OTUD7A: variants seen among roughly 807,000 people sequenced by gnomAD.
OTUD7A encodes the protein OTU domain-containing protein 7A.
A neutral mutation model predicts 65.7 loss-of-function variants in OTUD7A; 12 were observed. That is an observed-to-expected ratio of 0.18 (90% CI 0.12 to 0.30). The LOEUF (loss-of-function observed/expected upper bound fraction) is 0.30, where lower values mean the gene tolerates loss of function less well. Ranked by LOEUF, OTUD7A falls within the 10% of genes least tolerant of loss-of-function variation. The pLI, the probability that OTUD7A is intolerant of heterozygous loss-of-function variation, is 1.00. For missense variants in OTUD7A, 1,148 were observed against 1,304.8 expected (o/e 0.88, Z 1.85); for synonymous variants, 641 against 586.3 (o/e 1.09, Z -1.35).
intron 1 of OTUD7A, among the ~76,000 whole-genome samples, chr15:31,831,705 T>C (rs1038116650): frequency 6.6e-6 from 1 of 152,232 alleles, no homozygotes; most frequent in Non-Finnish European, 1.5e-5. Context: ...AGTAGCCTTA[T>C]TCCAACAAGC....
Position 31,550,764 on chromosome 15 carries a change from C to A in OTUD7A, c.550+8205G>T, listed in dbSNP as rs112438052. Among the ~76,000 whole-genome samples, 620 of 152,284 alleles carry A rather than the reference C, an allele frequency of 4.1e-3. 2 individuals are homozygous for A. Among genetic ancestry groups the A allele is most frequent in the African/African-American group, 0.014 (594 of 41,560 alleles). ...TAGGCAGAAATAGAAATGCATACAG[C>A]GTCCTTTAGCCCAAGGATATTTAAA... On this transcript the variant is annotated intron_variant, in intron 5 of 12. Coordinates refer to ENST00000307050, the MANE Select transcript of OTUD7A (RefSeq NM_001382637.1).
intron 1 of OTUD7A, among the ~76,000 whole-genome samples, chr15:31,840,978 T>C (rs1344360967): frequency 1.3e-5 from 2 of 152,190 alleles, no homozygotes; most frequent in Non-Finnish European, 2.9e-5. Flanking sequence ...AACACCCTGC[T>C]GCTGAGGAAT....
intron 1 of OTUD7A, among the ~76,000 whole-genome samples, chr15:31,806,071 A>T (rs923742931): frequency 1.3e-5 from 2 of 152,248 alleles, no homozygotes; most frequent in Non-Finnish European, 2.9e-5. Flanking sequence ...TCATAATCTT[A>T]GCAATAAAAT....
intron 1 of OTUD7A, among the ~76,000 whole-genome samples, chr15:31,780,267 A>T (rs1895501798): frequency 6.6e-6 from 1 of 152,184 alleles, no homozygotes; most frequent in Non-Finnish European, 1.5e-5. Flanking sequence ...CGTTCAAACT[A>T]GCTCGTATTT....
At chr15:31,826,117 C>T (rs1896791497) in intron 1 of OTUD7A, among the ~76,000 whole-genome samples, 2 of 152,236 alleles carry the variant, frequency 1.3e-5, no homozygotes, top group Admixed American at 1.3e-4. Flanking sequence ...TCTCTTCTCA[C>T]AGCTCCACTA....
chr15:31,766,653 A>G (rs1895101289), intron 1 of OTUD7A: 5 of 1,601,164 alleles, frequency 3.1e-6, no homozygotes, highest in African/African-American at 2.7e-5. Context: ...GCAAACTCTG[A>G]GACCTTCAAA....
At chr15:31,520,000 A>G (rs2041916325) in intron 8 of OTUD7A, among the ~76,000 whole-genome samples, 1 of 139,462 alleles carries the variant, frequency 7.2e-6, no homozygotes, top group Admixed American at 6.7e-5. Flanking sequence ...CAATGACACA[A>G]ATGAATGGAA....
chr15:31,808,137 A>AC (rs1555420102), intron 1 of OTUD7A, among the ~76,000 whole-genome samples: 216 of 91,546 alleles, frequency 2.4e-3, no homozygotes, highest in East Asian at 9.4e-3. Context: ...ACACACACAC[A>AC]AACAAATCCT....
At chr15:31,485,572 A>G (rs1253908466) in intron 12 of OTUD7A, among the ~76,000 whole-genome samples, 1 of 151,208 alleles carries the variant, frequency 6.6e-6, no homozygotes, top group Non-Finnish European at 1.5e-5. Flanking sequence ...GGGTGGGGGG[A>G]CCCTGAGAAA....
chr15:31,666,704 T>C (rs1426535537), intron 1 of OTUD7A, among the ~76,000 whole-genome samples: 4 of 152,186 alleles, frequency 2.6e-5, no homozygotes, highest in Non-Finnish European at 5.9e-5. Flanking sequence ...GTTTCTCTAG[T>C]TCCTTGAGGT....
chr15:31,683,265 A>G (rs556896964), intron 1 of OTUD7A, among the ~76,000 whole-genome samples: 1 of 152,336 alleles, frequency 6.6e-6, no homozygotes, highest in South Asian at 2.1e-4. Flanking sequence ...AAGGAAATAA[A>G]TATCTGTCAT....
intron 5 of OTUD7A, among the ~76,000 whole-genome samples, chr15:31,546,902 A>T (rs1888148848): frequency 6.6e-6 from 1 of 152,236 alleles, no homozygotes; most frequent in African/African-American, 2.4e-5. Context: ...TATAAAGCTC[A>T]AAAAGAGGCA....
At chr15:31,861,930 C>T (rs1287371244) in intron 1 of OTUD7A, among the ~76,000 whole-genome samples, 1 of 152,186 alleles carries the variant, frequency 6.6e-6, no homozygotes, top group Non-Finnish European at 1.5e-5. Flanking sequence ...CAGTCAACAC[C>T]AATGGCAAGA....
chr15:31,809,060 A>C (rs867229240), intron 1 of OTUD7A, among the ~76,000 whole-genome samples: 6 of 152,324 alleles, frequency 3.9e-5, no homozygotes, highest in Middle Eastern at 3.4e-3. Flanking sequence ...CTCTGACAGG[A>C]GAGGAAGCAG....
At chr15:31,867,641 C>A (rs886328558) in intron 1 of OTUD7A, among the ~76,000 whole-genome samples, 2 of 152,210 alleles carry the variant, frequency 1.3e-5, no homozygotes, top group African/African-American at 4.8e-5. Flanking sequence ...GGCACATTCA[C>A]GCCATGACCA....
chr15:31,584,598 CA>C (rs113105017), intron 3 of OTUD7A, among the ~76,000 whole-genome samples: 170 of 152,298 alleles, frequency 1.1e-3, no homozygotes, highest in African/African-American at 3.9e-3. Flanking sequence ...ACTACGAAGA[CA>C]GCCTGGGAGG....
chr15:31,836,533 A>G (rs1160783030), intron 1 of OTUD7A, among the ~76,000 whole-genome samples: 1 of 152,204 alleles, frequency 6.6e-6, no homozygotes, highest in African/African-American at 2.4e-5. Flanking sequence ...ATTTTAAGAT[A>G]CCAAAGAGAG....
At chr15:31,658,320 G>A (rs1266877926) in intron 1 of OTUD7A, among the ~76,000 whole-genome samples, 1 of 152,142 alleles carries the variant, frequency 6.6e-6, no homozygotes, top group African/African-American at 2.4e-5. Flanking sequence ...TCTCCACTGA[G>A]CAAGAAAACT....
intron 1 of OTUD7A, among the ~76,000 whole-genome samples, chr15:31,749,075 G>A (rs1894556514): frequency 6.7e-6 from 1 of 148,890 alleles, no homozygotes; most frequent in African/African-American, 2.5e-5. Flanking sequence ...ACTCATAGGT[G>A]GGAATTGAAC....
Sources: allele counts gnomAD v4.1 joint callset (sites outside exome capture counted in the v4.1 genomes callset), GRCh38; gene constraint gnomAD v4.1.1; transcripts MANE v1.5; gene names NCBI Gene and HGNC (gene_info 2026-07-23, HGNC 2026-07-21).